The following ANXA4 variants were observed in gnomAD, a reference collection of about 807,000 sequenced individuals.
The protein encoded by ANXA4 is 35-beta calcimedin.
Under a neutral mutation model 49.8 loss-of-function variants are expected in ANXA4, and 39 were observed. The ratio of observed to expected loss-of-function variants is 0.78; its 90% CI spans 0.61 to 1.02. The LOEUF is 1.02. ANXA4 is among the 50% of genes least tolerant of loss of function. The probability of loss-of-function intolerance (pLI) is 0.00; values close to 1 mark genes in which losing one functional copy is unlikely to be tolerated. For synonymous variants in ANXA4, 134 were observed against 152.5 expected, an observed-to-expected ratio of 0.88 and a Z score of 0.89; for missense variants, 360 against 410.1, an observed-to-expected ratio of 0.88 and a Z score of 1.05.
At chr2:69,678,793 G>A (rs982668642) in intron 2 of ANXA4, among the ~76,000 whole-genome samples, 1 of 152,144 alleles carries the variant, frequency 6.6e-6, no homozygotes, top group African/African-American at 2.4e-5. Flanking sequence ...TGTTAACCAA[G>A]TACTAGTTAC....
chr2:69,772,843 C>G (rs930912014), intron 1 of ANXA4, among the ~76,000 whole-genome samples: 15 of 151,944 alleles, frequency 9.9e-5, no homozygotes, highest in African/African-American at 3.4e-4. Context: ...ATGGTGAAAC[C>G]CTGTCTCTAC....
At chr2:69,735,342 C>G (rs1244764280) in intron 3 of ANXA4, among the ~76,000 whole-genome samples, 1 of 152,144 alleles carries the variant, frequency 6.6e-6, no homozygotes, top group African/African-American at 2.4e-5. Context: ...CCTGCTGATG[C>G]CCAGATGTCT....
Position 69,759,960 on chromosome 2 carries a change from G to A in ANXA4, c.-47+17785G>A, listed in dbSNP as rs113248846. On this transcript the variant is annotated intron_variant, in intron 1 of 12. Coordinates refer to ENST00000394295, the MANE Select transcript of ANXA4 (RefSeq NM_001153.5). ...CCATTCTCCTGCCTCAGCCTCCCGAGTAGCTGGGACTACAGGTGCCCGCCA... is the reference window on the plus strand; with the variant it reads ...CCATTCTCCTGCCTCAGCCTCCCGAATAGCTGGGACTACAGGTGCCCGCCA... 5.1e-3 allele frequency among the ~76,000 whole-genome samples: 778 copies of A among 152,164 alleles called. 9 individuals are homozygous for A. Among genetic ancestry groups the A allele is most frequent in the African/African-American group, 0.017 (716 of 41,504 alleles).
intron 2 of ANXA4, among the ~76,000 whole-genome samples, chr2:69,661,220 A>G (rs1197960373): frequency 6.9e-6 from 1 of 145,858 alleles, no homozygotes; most frequent in African/African-American, 2.6e-5. Flanking sequence ...GAAGCTTCAG[A>G]CAAAAAAAAA....
intron 1 of ANXA4, among the ~76,000 whole-genome samples, chr2:69,767,135 A>G (rs1173245413): frequency 6.6e-6 from 1 of 152,242 alleles, no homozygotes; most frequent in Non-Finnish European, 1.5e-5. Flanking sequence ...CAGGGCTGGA[A>G]AAAACATGTT....
chr2:69,668,637 A>G (rs1342769669), intron 2 of ANXA4, among the ~76,000 whole-genome samples: 1 of 152,182 alleles, frequency 6.6e-6, no homozygotes, highest in African/African-American at 2.4e-5. Context: ...TAGAACCGTC[A>G]TTTCATCTTG....
At chr2:69,745,853 C>G (rs1220094120) in intron 1 of ANXA4, among the ~76,000 whole-genome samples, 1 of 151,860 alleles carries the variant, frequency 6.6e-6, no homozygotes, top group Non-Finnish European at 1.5e-5. Flanking sequence ...TTTAGAAACA[C>G]TTATATGAAT....
At chr2:69,671,683 A>C (rs1425671265) in intron 2 of ANXA4, among the ~76,000 whole-genome samples, 1 of 152,218 alleles carries the variant, frequency 6.6e-6, no homozygotes, top group Non-Finnish European at 1.5e-5. Context: ...AGATTGCGCC[A>C]CTGCACTCCT....
chr2:69,793,206 C>A (rs1170948822), intron 3 of ANXA4, among the ~76,000 whole-genome samples: 1 of 144,734 alleles, frequency 6.9e-6, no homozygotes, highest in South Asian at 2.1e-4. Flanking sequence ...GGGCCAAGAT[C>A]GCACTACTGC....
Position 69,826,213 on chromosome 2 carries a change from A to C in ANXA4, c.*698A>C, listed in dbSNP as rs535023227. ...ACCAAACATAAATGCTGAACATTCC[A>C]TATTATTATAGTTAATGTCTTAATC... On this transcript the variant is annotated 3_prime_UTR_variant, in exon 13 of 13. Transcript: ENST00000394295. 2 of 152,788 alleles carry C rather than the reference A, an allele frequency of 1.3e-5. No individual in the cohort carries two copies. Among genetic ancestry groups the C allele is most frequent in the Non-Finnish European group, 2.9e-5 (2 of 68,038 alleles). The allele number at this position is 152,788 out of a possible 1,614,324, so 9.5% of individuals were successfully genotyped here.
chr2:69,823,074 G>A (rs968293165), intron 12 of ANXA4, among the ~76,000 whole-genome samples: 1 of 149,440 alleles, frequency 6.7e-6, no homozygotes, highest in Non-Finnish European at 1.5e-5. Context: ...TGGTATTATA[G>A]TATATAATTT....
At chr2:69,731,976 CTTTCTT>C (rs1670111381) in intron 3 of ANXA4, among the ~76,000 whole-genome samples, 1 of 107,008 alleles carries the variant, frequency 9.3e-6, no homozygotes, top group African/African-American at 4.0e-5. Context: ...ATTTTCTTTT[CTTTCTT>C]TTTTTTTTTT....
At chr2:69,666,080 T>C (rs1051457494) in intron 2 of ANXA4, among the ~76,000 whole-genome samples, 1 of 152,196 alleles carries the variant, frequency 6.6e-6, no homozygotes, top group Non-Finnish European at 1.5e-5. Context: ...GGTGGGCACC[T>C]GTGGTCTCAG....
rs1673977946 is a variant in ANXA4, at chr2:69,816,109, T to A, written c.543T>A (p.Tyr181Ter). The A allele has an allele frequency of 6.2e-7, 1 of 1,614,066 alleles. No homozygotes were observed. The highest frequency in any genetic ancestry group is 1.3e-5 in the African/African-American group (1 of 75,058). ...ALVRQDAQDLYEAGEKKWGTD... is the reference protein window; with the variant it reads ...ALVRQDAQDL ...GCTTTGTTTGGCTTCAGGACCTGTA[T>A]GAGGCTGGAGAGAAGAAATGGGGGA... Residue 181 changes from tyrosine to a stop codon, truncating the protein, a stop_gained, in exon 9 of 13, where the codon TAT becomes TAA. Coordinates refer to ENST00000394295, the MANE Select transcript of ANXA4 (RefSeq NM_001153.5). LOFTEE classifies it high-confidence loss of function.
intron 1 of ANXA4, among the ~76,000 whole-genome samples, chr2:69,648,590 G>A (rs149226835): frequency 0.016 from 2,410 of 152,176 alleles, 72 homozygotes; most frequent in African/African-American, 0.055. Context: ...TTGGGAGGCC[G>A]AGGCAGGTGG....
rs1677296926 is a variant in ANXA4 at position 69,673,934 on chromosome 2, T to A, written n.766+20652T>A. ...GAATCTGTCCCATTTTGATGTTCCTTACCCTACACGAGGCTTTGGGGTGAA... is the reference window on the plus strand; with the variant it reads ...GAATCTGTCCCATTTTGATGTTCCTAACCCTACACGAGGCTTTGGGGTGAA... On this transcript the variant is annotated intron_variant and non_coding_transcript_variant, in intron 2 of 3. Coordinates refer to the ANXA4 transcript ENST00000418066. 3 of 152,202 alleles carry A rather than the reference T, an allele frequency of 2.0e-5. No homozygotes were observed. The South Asian group carries it at 6.2e-4, about 32-fold the overall frequency. 9.4% of individuals were successfully genotyped at this position (152,202 alleles called of 1,614,324 possible). A position where few individuals can be genotyped will look rare whatever the true frequency, so the allele number is the denominator to read the frequency against.
chr2:69,826,585 G>C lies in ANXA4; in HGVS notation c.*1070G>C, dbSNP rs1208527585. The stretch of plus-strand genomic sequence containing the variant: ...GGATCACCTAAGGTCAGGAGTTCAA[G>C]ACTAGCCTGGCCAACATGGAGAAAC... On this transcript the variant is annotated 3_prime_UTR_variant, in exon 13 of 13. Transcript: ENST00000394295. 1 of 152,166 alleles carries C rather than the reference G, an allele frequency of 6.6e-6. No homozygotes were observed. Among genetic ancestry groups the C allele is most frequent in the East Asian group, 1.9e-4 (1 of 5,192 alleles). The allele number at this position is 152,166 out of a possible 1,614,324, so 9.4% of individuals were successfully genotyped here. A position where few individuals can be genotyped will look rare whatever the true frequency, so the allele number is the denominator to read the frequency against.
At chr2:69,765,699 T>G (rs1263920615) in intron 1 of ANXA4, among the ~76,000 whole-genome samples, 3 of 152,170 alleles carry the variant, frequency 2.0e-5, no homozygotes, top group Non-Finnish European at 4.4e-5. Context: ...CTTTTGAGGC[T>G]TATCTAAAAC....
At chr2:69,823,637 G>A (rs892100065) in intron 12 of ANXA4, among the ~76,000 whole-genome samples, 1 of 152,110 alleles carries the variant, frequency 6.6e-6, no homozygotes, top group African/African-American at 2.4e-5. Flanking sequence ...ACGTTATACT[G>A]ACAAAGGCAA....
Sources: allele counts gnomAD v4.1 joint callset (sites outside exome capture counted in the v4.1 genomes callset), GRCh38; gene constraint gnomAD v4.1.1; transcripts MANE v1.5; gene names NCBI Gene and HGNC (gene_info 2026-07-23, HGNC 2026-07-21).